The following TMEM178A variants were observed in gnomAD, a reference collection of about 807,000 sequenced individuals.
TMEM178A encodes the protein transmembrane protein 178A, also known as transmembrane protein 178.
In TMEM178A, 12 loss-of-function variants were observed where a neutral mutation model predicts 29.1. The ratio of observed to expected loss-of-function variants is 0.41; its 90% CI spans 0.26 to 0.67. TMEM178A has a LOEUF of 0.67. Among genes scored for constraint, TMEM178A ranks in the 30% least tolerant of loss-of-function variants. The pLI is 0.29. For missense variants in TMEM178A, 366 were observed against 419.1 expected, an observed-to-expected ratio of 0.87 and a Z score of 1.11; for synonymous variants, 210 against 187.2, an observed-to-expected ratio of 1.12 and a Z score of -0.99.
chr2:39,705,948 T>G (rs1368383736), intron 2 of TMEM178A, among the ~76,000 whole-genome samples: 1 of 152,226 alleles, frequency 6.6e-6, no homozygotes, highest in Non-Finnish European at 1.5e-5. Flanking sequence ...GAAGGGTGAT[T>G]GAAATTTAGC....
the TMEM178A span, among the ~76,000 whole-genome samples, chr2:39,725,135 AGAT>A: frequency 6.6e-6 from 1 of 152,150 alleles, no homozygotes; most frequent in African/African-American, 2.4e-5. Flanking sequence ...AGTGAAATGA[AGAT>A]GAGGAAAGAC....
chr2:39,718,986 G>A (rs987941933), downstream of TMEM178A, among the ~76,000 whole-genome samples: 14 of 152,186 alleles, frequency 9.2e-5, no homozygotes, highest in Non-Finnish European at 2.1e-4. Context: ...TACTCCCAAA[G>A]GATAGAGTCT....
At chr2:39,680,490 T>A (rs1670822458) in intron 1 of TMEM178A, among the ~76,000 whole-genome samples, 1 of 152,242 alleles carries the variant, frequency 6.6e-6, no homozygotes, top group Admixed American at 6.5e-5. Context: ...TTTCAGGAAT[T>A]GTTTTCTGTT....
At chr2:39,686,271 G>T (rs187920072) in intron 1 of TMEM178A, among the ~76,000 whole-genome samples, 3 of 152,336 alleles carry the variant, frequency 2.0e-5, no homozygotes, top group African/African-American at 7.2e-5. Flanking sequence ...AGGACTGTGG[G>T]ATGCCCTAGA....
the TMEM178A span, among the ~76,000 whole-genome samples, chr2:39,726,551 G>C: frequency 1.3e-5 from 2 of 152,164 alleles, no homozygotes; most frequent in Non-Finnish European, 2.9e-5. Context: ...TCAAACATAA[G>C]AGTGATAAAA....
chr2:39,697,174 CTT>C (rs1300610324), intron 1 of TMEM178A, among the ~76,000 whole-genome samples: 4 of 152,294 alleles, frequency 2.6e-5, no homozygotes, highest in East Asian at 1.9e-4. Context: ...ATGTGCTTGT[CTT>C]TTTATCAGAA....
chr2:39,684,838 C>G, intron 1 of TMEM178A, among the ~76,000 whole-genome samples: 1 of 152,270 alleles, frequency 6.6e-6, no homozygotes, highest in Middle Eastern at 3.4e-3. Flanking sequence ...CCTACACCTT[C>G]GCTTTTGCTG....
At chr2:39,722,324 G>C (rs1672721018), downstream of TMEM178A, among the ~76,000 whole-genome samples, 1 of 152,074 alleles carries the variant, frequency 6.6e-6, no homozygotes, top group Non-Finnish European at 1.5e-5. Flanking sequence ...CAATAATTTG[G>C]GGAAAAGGGG....
At chr2:39,685,799 A>G (rs1170816648) in intron 1 of TMEM178A, among the ~76,000 whole-genome samples, 4 of 152,202 alleles carry the variant, frequency 2.6e-5, no homozygotes, top group Non-Finnish European at 5.9e-5. Flanking sequence ...GGGTAGTAGG[A>G]CCATGATTAT....
At chr2:39,697,123 A>G (rs1044987533) in intron 1 of TMEM178A, among the ~76,000 whole-genome samples, 5 of 152,248 alleles carry the variant, frequency 3.3e-5, no homozygotes, top group African/African-American at 1.2e-4. Context: ...ATTCCTTAAC[A>G]TAACACTGCA....
chr2:39,698,945 G>A (rs1247130831), intron 1 of TMEM178A, among the ~76,000 whole-genome samples: 1 of 151,488 alleles, frequency 6.6e-6, no homozygotes, highest in Non-Finnish European at 1.5e-5. Flanking sequence ...TAATTTGTTG[G>A]CATGTAATTT....
At chr2:39,690,831 C>T (rs1039777846) in intron 1 of TMEM178A, among the ~76,000 whole-genome samples, 3 of 152,108 alleles carry the variant, frequency 2.0e-5, no homozygotes, top group Admixed American at 2.0e-4. Flanking sequence ...ACGGAGACAA[C>T]TAAATGAAAT....
chr2:39,707,016 G>A (rs753641298), intron 2 of TMEM178A, 33 bp from the exon 3 acceptor site: 2 of 1,572,144 alleles, frequency 1.3e-6, no homozygotes, highest in Non-Finnish European at 8.6e-7. Context: ...CCTGAATTCT[G>A]ATTGTGAATG....
At chr2:39,698,451 A>G (rs1360642157) in intron 1 of TMEM178A, among the ~76,000 whole-genome samples, 3 of 152,214 alleles carry the variant, frequency 2.0e-5, no homozygotes, top group East Asian at 3.8e-4. Flanking sequence ...TTGATATGGT[A>G]TATTGTATTA....
At chr2:39,691,534 G>C (rs1421662285) in intron 1 of TMEM178A, among the ~76,000 whole-genome samples, 2 of 152,200 alleles carry the variant, frequency 1.3e-5, no homozygotes, top group African/African-American at 4.8e-5. Context: ...TACACTGCTA[G>C]TGGGAATATA....
intron 1 of TMEM178A, among the ~76,000 whole-genome samples, chr2:39,692,710 A>G (rs562626187): frequency 2.6e-5 from 4 of 152,302 alleles, no homozygotes; most frequent in Non-Finnish European, 4.4e-5. Flanking sequence ...TTAGGACAGT[A>G]TATATGTATT....
intron 1 of TMEM178A, chr2:39,697,819 G>C (rs1671610986): frequency 6.6e-6 from 1 of 152,280 alleles, no homozygotes; most frequent in South Asian, 2.1e-4. Context: ...CCCATTACAA[G>C]CACGGAACAG....
chr2:39,698,639 T>G (rs988567501), intron 1 of TMEM178A, among the ~76,000 whole-genome samples: 9 of 152,162 alleles, frequency 5.9e-5, no homozygotes, highest in African/African-American at 9.7e-5. Flanking sequence ...GTCTTTGGTT[T>G]TTCATATCAG....
chr2:39,734,983 T>C, the TMEM178A span, among the ~76,000 whole-genome samples: 5 of 152,194 alleles, frequency 3.3e-5, no homozygotes, highest in South Asian at 2.1e-4. Context: ...GCCTGAATCA[T>C]TGCAAAAAAC....
Sources: gnomAD v4.1 joint callset for allele counts (sites outside exome capture counted in the v4.1 genomes callset) on GRCh38, gnomAD v4.1.1 for gene constraint, MANE v1.5 for transcripts, NCBI Gene and HGNC (gene_info 2026-07-23, HGNC 2026-07-21) for gene names.